Variants in FHIT observed in about 807,000 individuals in gnomAD.
FHIT encodes fragile histidine triad diadenosine triphosphatase.
In FHIT, 19 loss-of-function variants were observed where a neutral mutation model predicts 17.9. That is an observed-to-expected ratio of 1.06 (90% CI 0.74 to 1.56). The LOEUF is 1.56. Ranked by LOEUF, FHIT falls within the 40% of genes most tolerant of loss-of-function variation. The probability of loss-of-function intolerance (pLI) is 0.00; values close to 1 mark genes in which losing one functional copy is unlikely to be tolerated. For missense variants in FHIT, 248 were observed against 189.2 expected (o/e 1.31, Z -1.82); for synonymous variants, 81 against 69.7 (o/e 1.16, Z -0.81).
chr3:61,144,291 C>A (rs911914888), intron 2 of FHIT, among the ~76,000 whole-genome samples: 1 of 152,198 alleles, frequency 6.6e-6, no homozygotes, highest in African/African-American at 2.4e-5. Flanking sequence ...TGGAATCATA[C>A]AGTATGTGTC....
intron 5 of FHIT, among the ~76,000 whole-genome samples, chr3:60,238,130 C>G (rs75468305): frequency 8.1e-6 from 1 of 124,036 alleles, no homozygotes; most frequent in South Asian, 2.6e-4. Context: ...TGGCACCAAG[C>G]GAGACTCCGT....
intron 3 of FHIT, among the ~76,000 whole-genome samples, chr3:60,967,822 C>T (rs2107520581): frequency 6.6e-6 from 1 of 152,114 alleles, no homozygotes; most frequent in East Asian, 1.9e-4. Context: ...TCAGACTGGC[C>T]CACGGTATAT....
intron 3 of FHIT, among the ~76,000 whole-genome samples, chr3:60,925,386 A>G (rs1045296237): frequency 6.6e-6 from 1 of 152,232 alleles, no homozygotes; most frequent in Non-Finnish European, 1.5e-5. Flanking sequence ...AGAAGCCAGA[A>G]GAGAGTGGAG....
At chr3:61,185,074 C>T (rs188380460) in intron 2 of FHIT, among the ~76,000 whole-genome samples, 372 of 152,164 alleles carry the variant, frequency 2.4e-3, no homozygotes, top group Non-Finnish European at 4.2e-3. Context: ...TAGACTTTTT[C>T]CCCCCCACGA....
chr3:60,482,847 T>C (rs759983664), intron 5 of FHIT, among the ~76,000 whole-genome samples: 16 of 148,220 alleles, frequency 1.1e-4, no homozygotes, highest in East Asian at 2.0e-4. Flanking sequence ...CTGAAGGAGA[T>C]AGAGACACAA....
intron 7 of FHIT, among the ~76,000 whole-genome samples, chr3:59,982,930 T>C (rs1050623813): frequency 2.0e-5 from 3 of 152,040 alleles, no homozygotes; most frequent in African/African-American, 7.2e-5. Context: ...GTCCTATGCA[T>C]CGTGCATTAG....
intron 4 of FHIT, chr3:60,617,529 C>G (rs1225682592): frequency 6.5e-6 from 1 of 152,952 alleles, no homozygotes; most frequent in African/African-American, 2.4e-5. Context: ...ATTCAGGGTA[C>G]CAAGCAGGTA....
intron 5 of FHIT, among the ~76,000 whole-genome samples, chr3:60,332,909 T>G (rs1203158371): frequency 1.3e-5 from 2 of 152,228 alleles, no homozygotes; most frequent in Non-Finnish European, 2.9e-5. Flanking sequence ...CGACATTGTG[T>G]CTGCTCCTAG....
intron 5 of FHIT, among the ~76,000 whole-genome samples, chr3:60,119,997 C>T (rs1008622339): frequency 4.5e-4 from 68 of 151,594 alleles, no homozygotes; most frequent in African/African-American, 1.6e-3. Context: ...CTGCTTCTTC[C>T]CTGCTTAAAA....
chr3:60,789,231 G>A (rs1700695834), intron 4 of FHIT, among the ~76,000 whole-genome samples: 1 of 150,866 alleles, frequency 6.6e-6, no homozygotes, highest in African/African-American at 2.4e-5. Context: ...ACAAGAATAC[G>A]AAGGTTGGCC....
chr3:60,687,613 A>G (rs2040887808), intron 4 of FHIT, among the ~76,000 whole-genome samples: 1 of 152,080 alleles, frequency 6.6e-6, no homozygotes, highest in Admixed American at 6.6e-5. Context: ...TAAATGCTTC[A>G]TGGCTCCTTA....
At chr3:60,194,222 C>G (rs542947125) in intron 5 of FHIT, among the ~76,000 whole-genome samples, 52 of 152,100 alleles carry the variant, frequency 3.4e-4, no homozygotes, top group Admixed American at 9.2e-4. Flanking sequence ...CAGCATGGTA[C>G]TAGTATAAAA....
intron 3 of FHIT, among the ~76,000 whole-genome samples, chr3:60,825,586 T>G (rs1302425575): frequency 1.3e-5 from 2 of 152,066 alleles, no homozygotes; most frequent in African/African-American, 4.8e-5. Flanking sequence ...GAGCTCCACC[T>G]CCTGTCAGAT....
At chr3:61,085,072 G>A (rs937491025) in intron 2 of FHIT, among the ~76,000 whole-genome samples, 11 of 152,230 alleles carry the variant, frequency 7.2e-5, no homozygotes, top group Middle Eastern at 3.4e-3. Context: ...TACCTAGATT[G>A]CTTCTATAAT....
chr3:59,760,385 T>C (rs1575611371), intron 8 of FHIT, among the ~76,000 whole-genome samples: 1 of 152,182 alleles, frequency 6.6e-6, no homozygotes, highest in East Asian at 1.9e-4. Context: ...AAGTATCACA[T>C]TGTCAAGCCG....
At chr3:60,120,907 A>G (rs1234302131) in intron 5 of FHIT, among the ~76,000 whole-genome samples, 1 of 151,972 alleles carries the variant, frequency 6.6e-6, no homozygotes, top group Non-Finnish European at 1.5e-5. Flanking sequence ...ATCAGTCTTC[A>G]CATAGCAGTT....
chr3:60,124,162 C>T (rs1705433277), intron 5 of FHIT, among the ~76,000 whole-genome samples: 1 of 150,394 alleles, frequency 6.6e-6, no homozygotes, highest in Non-Finnish European at 1.5e-5. Flanking sequence ...AAGTGATCCT[C>T]CTGCCTCACC....
At chr3:60,106,450 T>C (rs971968620) in intron 5 of FHIT, among the ~76,000 whole-genome samples, 12 of 152,188 alleles carry the variant, frequency 7.9e-5, no homozygotes, top group African/African-American at 2.7e-4. Flanking sequence ...CAGTTCATGA[T>C]AAGTGCTTAA....
intron 4 of FHIT, among the ~76,000 whole-genome samples, chr3:60,574,181 A>C (rs376371244): frequency 7.9e-5 from 12 of 152,234 alleles, no homozygotes; most frequent in African/African-American, 2.9e-4. Context: ...TATGGGAGCT[A>C]CAAAGAGCCA....
Sources: allele counts gnomAD v4.1 joint callset (sites outside exome capture counted in the v4.1 genomes callset), GRCh38; gene constraint gnomAD v4.1.1; transcripts MANE v1.5; gene names NCBI Gene and HGNC (gene_info 2026-07-23, HGNC 2026-07-21).